GHR: variants seen among roughly 807,000 people sequenced by gnomAD.
GHR encodes the protein GH receptor.
GHR carries 35 observed loss-of-function variants against 67.1 expected under a neutral mutation model. The ratio of observed to expected loss-of-function variants is 0.52; its 90% CI spans 0.40 to 0.69. The LOEUF is 0.69. Among genes scored for constraint, GHR ranks in the 30% least tolerant of loss-of-function variants. The probability of loss-of-function intolerance (pLI) is 0.00; values close to 1 mark genes in which losing one functional copy is unlikely to be tolerated. For missense variants in GHR, 792 were observed against 764.6 expected (o/e 1.04, Z -0.42); for synonymous variants, 272 against 269.1 (o/e 1.01, Z -0.10).
At chr5:42,526,388 G>A (rs1338214969) in intron 1 of GHR, among the ~76,000 whole-genome samples, 2 of 152,178 alleles carry the variant, frequency 1.3e-5, no homozygotes, top group Non-Finnish European at 2.9e-5. Context: ...AATTTAAGAA[G>A]CCATCTGTGT....
intron 3 of GHR, among the ~76,000 whole-genome samples, chr5:42,650,022 C>T (rs1486103320): frequency 6.6e-6 from 1 of 152,056 alleles, no homozygotes; most frequent in Non-Finnish European, 1.5e-5. Context: ...CTTCAACCTT[C>T]TAGTGAAGTG....
rs537203063 is a variant in GHR, at chr5:42,647,909, A to C, written c.136+18806A>C. 3.5e-5 allele frequency: 7 copies of C among 199,486 alleles called. No homozygotes were observed. The South Asian group carries it at 5.0e-4, about 14-fold the overall frequency. The allele number at this position is 199,486 out of a possible 1,614,324, so 12.4% of individuals were successfully genotyped here. On this transcript the variant is annotated intron_variant, in intron 3 of 9. Transcript: ENST00000230882. ...ATTTTATGCTCCCATAAATTAAGTA[A>C]GACAGCATTCTATATCATGACTGAG...
At chr5:42,571,583 C>A (rs970683628) in intron 2 of GHR, among the ~76,000 whole-genome samples, 2 of 152,196 alleles carry the variant, frequency 1.3e-5, no homozygotes, top group Admixed American at 1.3e-4. Flanking sequence ...GAGTGACCTA[C>A]CCCTACAAAG....
chr5:42,455,675 T>C (rs1324887727), intron 1 of GHR, among the ~76,000 whole-genome samples: 1 of 152,204 alleles, frequency 6.6e-6, no homozygotes, highest in Non-Finnish European at 1.5e-5. Context: ...TCATGGAGAT[T>C]GCATTCTCTT....
intron 1 of GHR, among the ~76,000 whole-genome samples, chr5:42,562,423 C>A (rs1223318483): frequency 1.3e-5 from 2 of 152,158 alleles, no homozygotes; most frequent in Non-Finnish European, 2.9e-5. Flanking sequence ...CTGGCCCCTG[C>A]ACTTAGTTAG....
At chr5:42,703,822 C>A (rs1422078260) in intron 6 of GHR, among the ~76,000 whole-genome samples, 1 of 151,484 alleles carries the variant, frequency 6.6e-6, no homozygotes, top group African/African-American at 2.4e-5. Flanking sequence ...AAAGGGATTT[C>A]TTTATTTCTT....
chr5:42,539,541 C>T (rs1274736130), intron 1 of GHR, among the ~76,000 whole-genome samples: 1 of 152,224 alleles, frequency 6.6e-6, no homozygotes, highest in Non-Finnish European at 1.5e-5. Context: ...GTCTCTCAGC[C>T]ATGGATACCA....
intron 1 of GHR, chr5:42,468,451 C>T (rs1430818068): frequency 7.9e-6 from 7 of 886,196 alleles, no homozygotes; most frequent in South Asian, 7.0e-5. Flanking sequence ...GTATTGCCTA[C>T]GTGCGCAGCT....
At chr5:42,537,155 A>C (rs374605543) in intron 1 of GHR, among the ~76,000 whole-genome samples, 1 of 151,390 alleles carries the variant, frequency 6.6e-6, no homozygotes, top group African/African-American at 2.4e-5. Context: ...TTTTAATTTT[A>C]TTTAGTTCTT....
In GHR at chr5:42,551,638, G is replaced by A. The variant is rs557967982; in HGVS notation, c.-11-14226G>A. 3.9e-5 allele frequency among the ~76,000 whole-genome samples: 6 copies of A among 152,270 alleles called. No individual in the cohort carries two copies. The South Asian group carries it at 1.2e-3, about 32-fold the overall frequency. The stretch of plus-strand genomic sequence containing the variant: ...ATCTCATTAAGCAAAATAAGAAATA[G>A]AAGAAATGAATCTGCATGCTCATAA... On this transcript the variant is annotated intron_variant, in intron 1 of 9. Transcript: ENST00000230882.
chr5:42,541,311 T>C (rs1748507307), intron 1 of GHR, among the ~76,000 whole-genome samples: 1 of 152,208 alleles, frequency 6.6e-6, no homozygotes, highest in Admixed American at 6.5e-5. Flanking sequence ...GGGTGACATT[T>C]GAATGCATAC....
chr5:42,519,966 T>C, intron 1 of GHR, among the ~76,000 whole-genome samples: 1 of 152,328 alleles, frequency 6.6e-6, no homozygotes, highest in East Asian at 1.9e-4. Context: ...TATCACTGAG[T>C]CTCTACTTTA....
At position 42,593,962 on chromosome 5, in the gene GHR, G is replaced by A. The variant is rs572085598; in HGVS notation, c.70+28018G>A. On this transcript the variant is annotated intron_variant, in intron 2 of 9. Transcript: ENST00000230882. ...TTCCCTCCACCTAGCTGCCACCCAA[G>A]ATTGTCCCTCAGCCATCCTTAGAAT... 1.3e-4 allele frequency among the ~76,000 whole-genome samples: 20 copies of A among 152,270 alleles called. No individual in the cohort carries two copies. In the South Asian group the frequency reaches 2.1e-3, roughly 16 times the overall value.
intron 1 of GHR, among the ~76,000 whole-genome samples, chr5:42,433,817 C>T (rs1253255429): frequency 3.2e-5 from 4 of 125,386 alleles, no homozygotes; most frequent in African/African-American, 1.3e-4. Context: ...GACCAGGAGG[C>T]GTATCTTGAG....
intron 1 of GHR, among the ~76,000 whole-genome samples, chr5:42,510,974 T>C (rs1420342619): frequency 2.0e-5 from 3 of 152,246 alleles, no homozygotes; most frequent in Non-Finnish European, 4.4e-5. Flanking sequence ...TTCTTGCTAT[T>C]CTTACTCCTC....
intron 3 of GHR, among the ~76,000 whole-genome samples, chr5:42,675,142 C>T (rs150063285): frequency 2.0e-5 from 3 of 152,276 alleles, no homozygotes; most frequent in Non-Finnish European, 4.4e-5. Context: ...TTTGACATCT[C>T]AAAACACTGC....
intron 1 of GHR, among the ~76,000 whole-genome samples, chr5:42,491,979 A>G (rs1746135357): frequency 3.3e-5 from 5 of 152,260 alleles, no homozygotes; most frequent in Admixed American, 3.3e-4. Context: ...AATGCATGAA[A>G]GAATGACTAC....
intron 1 of GHR, among the ~76,000 whole-genome samples, chr5:42,543,685 C>A (rs900844749): frequency 6.6e-6 from 1 of 152,028 alleles, no homozygotes; most frequent in Non-Finnish European, 1.5e-5. Context: ...ATAGATCTAC[C>A]TTTTATTATA....
intron 1 of GHR, among the ~76,000 whole-genome samples, chr5:42,504,433 C>T (rs571054151): frequency 4.6e-5 from 7 of 152,252 alleles, no homozygotes; most frequent in African/African-American, 1.7e-4. Context: ...TCTTCTACCT[C>T]AGTCTTCAGT....
Sources: allele counts gnomAD v4.1 joint callset (sites outside exome capture counted in the v4.1 genomes callset), GRCh38; gene constraint gnomAD v4.1.1; transcripts MANE v1.5; gene names NCBI Gene and HGNC (gene_info 2026-07-23, HGNC 2026-07-21).